C3orf49: variants seen among roughly 807,000 people sequenced by gnomAD.
C3orf49 encodes the protein chromosome 3 open reading frame 49.
In C3orf49, 27 loss-of-function variants were observed where a neutral mutation model predicts 13.3. The ratio of observed to expected loss-of-function variants is 2.02; its 90% CI spans 1.49 to 2.79. C3orf49 has a LOEUF of 2.79. C3orf49 is among the 30% of genes most tolerant of loss of function. The pLI is 0.00. For missense variants in C3orf49, 242 were observed against 134.2 expected (o/e 1.80, Z -3.97); for synonymous variants, 87 against 47.6 (o/e 1.83, Z -3.40).
chr3:63,847,513 G>C (rs1306844062), intron 6 of C3orf49, among the ~76,000 whole-genome samples: 1 of 152,160 alleles, frequency 6.6e-6, no homozygotes, highest in Non-Finnish European at 1.5e-5. Flanking sequence ...AGAGGCGAGC[G>C]GATCACTTGA....
rs144113129 is a variant in C3orf49 at position 63,848,015 on chromosome 3, A to G, written c.*31-349A>G. On this transcript the variant is annotated intron_variant, in intron 6 of 6. Coordinates refer to ENST00000295896, the MANE Select transcript of C3orf49 (RefSeq NM_001355236.2). Reference sequence around the variant, plus strand: ...GACCAGCATGAACATTAAAACAGAGATCTTAAGACTGACCAAACAGACTCT... The same window carrying G: ...GACCAGCATGAACATTAAAACAGAGGTCTTAAGACTGACCAAACAGACTCT... Among the ~76,000 whole-genome samples, 23 of 152,308 alleles carry G rather than the reference A, an allele frequency of 1.5e-4. No homozygotes were observed. In the East Asian group the frequency reaches 3.5e-3, roughly 23 times the overall value.
In C3orf49 at chr3:63,837,686, G is replaced by T. The variant is rs1051274365; in HGVS notation, c.849+5842G>T. 5.3e-5 allele frequency among the ~76,000 whole-genome samples: 8 copies of T among 151,382 alleles called. No homozygotes were observed. The South Asian group carries it at 1.0e-3, about 20-fold the overall frequency. Reference sequence around the variant, plus strand: ...ACCATAACATTATTTAGGCAAAAGGGTCCAAGATGGTAAAAATTTAATACT... The same window carrying T: ...ACCATAACATTATTTAGGCAAAAGGTTCCAAGATGGTAAAAATTTAATACT... On this transcript the variant is annotated intron_variant, in intron 5 of 6. Coordinates refer to ENST00000295896, the MANE Select transcript of C3orf49 (RefSeq NM_001355236.2).
At chr3:63,837,305 CATATCA>C (rs1242003926) in intron 5 of C3orf49, among the ~76,000 whole-genome samples, 1 of 151,546 alleles carries the variant, frequency 6.6e-6, no homozygotes, top group Non-Finnish European at 1.5e-5. Flanking sequence ...TCTAGTTTTT[CATATCA>C]ATGTAACAGT....
At chr3:63,822,928 A>G (rs1199983722) in intron 1 of C3orf49, among the ~76,000 whole-genome samples, 1 of 152,230 alleles carries the variant, frequency 6.6e-6, no homozygotes, top group Admixed American at 6.5e-5. Context: ...GACCTGGATT[A>G]AAGTCTGCAT....
upstream of C3orf49, among the ~76,000 whole-genome samples, chr3:63,817,429 T>C (rs1701337454): frequency 6.6e-6 from 1 of 152,136 alleles, no homozygotes; most frequent in African/African-American, 2.4e-5. Context: ...TCTAGGGTGG[T>C]GTCTAGGGTG....
At chr3:63,836,534 A>G (rs147147917) in intron 5 of C3orf49, among the ~76,000 whole-genome samples, 1 of 152,032 alleles carries the variant, frequency 6.6e-6, no homozygotes, top group East Asian at 1.9e-4. Context: ...ATAACGATAC[A>G]TAACATCAAA....
the C3orf49 span, among the ~76,000 whole-genome samples, chr3:63,793,982 C>T: frequency 1.3e-5 from 2 of 152,096 alleles, no homozygotes; most frequent in Admixed American, 1.3e-4. Context: ...TAGCAGGACA[C>T]TGTTTCTACA....
At chr3:63,781,470 C>T in the C3orf49 span, among the ~76,000 whole-genome samples, 16 of 152,142 alleles carry the variant, frequency 1.1e-4, no homozygotes, top group Middle Eastern at 3.4e-3. Flanking sequence ...CTTGGCAATG[C>T]GGGCTCTTTT....
At chr3:63,831,906 T>C in intron 5 of C3orf49, 62 bp downstream of exon 5, 1 of 657,106 alleles carries the variant, frequency 1.5e-6, no homozygotes, top group Middle Eastern at 2.5e-4. Flanking sequence ...AAAAGTTATC[T>C]TCCCTAGGCT....
intron 1 of C3orf49, 141 bp from the exon 2 acceptor site, chr3:63,823,108 AT>A: frequency 1.7e-6 from 1 of 576,958 alleles, no homozygotes; most frequent in South Asian, 2.3e-5. Context: ...TTTTTCTGTG[AT>A]TTGATTCTTG....
At chr3:63,844,154 C>A (rs531438726) in intron 5 of C3orf49, among the ~76,000 whole-genome samples, 5 of 152,170 alleles carry the variant, frequency 3.3e-5, no homozygotes, top group African/African-American at 1.2e-4. Flanking sequence ...AAAAGGTGGT[C>A]TCACAGAAAT....
At chr3:63,812,309 AT>A in the C3orf49 span, among the ~76,000 whole-genome samples, 1 of 152,164 alleles carries the variant, frequency 6.6e-6, no homozygotes, top group Non-Finnish European at 1.5e-5. Flanking sequence ...TCACAAAAAA[AT>A]CTCATAATGT....
chr3:63,835,039 A>G, intron 5 of C3orf49: 1 of 998,906 alleles, frequency 1.0e-6, no homozygotes, highest in Non-Finnish European at 1.5e-6. Context: ...ATCCAGCTAC[A>G]CTGTTCAGAA....
At chr3:63,827,361 T>C (rs913864120) in intron 2 of C3orf49, 2 of 342,706 alleles carry the variant, frequency 5.8e-6, no homozygotes, top group African/African-American at 4.2e-5. Context: ...GAGAGGTGGC[T>C]ACCTTGTCAA....
chr3:63,824,389 G>T (rs1441535171), intron 2 of C3orf49, among the ~76,000 whole-genome samples: 1 of 152,080 alleles, frequency 6.6e-6, no homozygotes, highest in South Asian at 2.1e-4. Flanking sequence ...CACTTTTATT[G>T]CATTTACTTT....
At chr3:63,840,856 T>G (rs1004881677) in intron 5 of C3orf49, among the ~76,000 whole-genome samples, 2 of 152,212 alleles carry the variant, frequency 1.3e-5, no homozygotes, top group Non-Finnish European at 2.9e-5. Flanking sequence ...AACTGGTAAT[T>G]CTTTGTAGGG....
chr3:63,846,416 TA>T (rs1192052562), intron 6 of C3orf49, among the ~76,000 whole-genome samples: 2 of 152,142 alleles, frequency 1.3e-5, no homozygotes, highest in Non-Finnish European at 2.9e-5. Flanking sequence ...TAAAAATTTT[TA>T]TTTTTTTTAG....
chr3:63,795,076 T>G, the C3orf49 span, among the ~76,000 whole-genome samples: 1 of 152,128 alleles, frequency 6.6e-6, no homozygotes, highest in Non-Finnish European at 1.5e-5. Flanking sequence ...TCAGACTGAT[T>G]GCGGGCAGAG....
the C3orf49 span, among the ~76,000 whole-genome samples, chr3:63,789,256 G>A: frequency 6.6e-6 from 1 of 152,154 alleles, no homozygotes; most frequent in East Asian, 1.9e-4. Flanking sequence ...ATGATATGAG[G>A]TGGAACAGTT....
Sources: allele counts gnomAD v4.1 joint callset (sites outside exome capture counted in the v4.1 genomes callset), GRCh38; gene constraint gnomAD v4.1.1; transcripts MANE v1.5; gene names NCBI Gene and HGNC (gene_info 2026-07-23, HGNC 2026-07-21).